CFAP299: variants seen among roughly 807,000 people sequenced by gnomAD.
CFAP299 encodes the protein cilia- and flagella-associated protein 299.
Under a neutral mutation model 27.0 loss-of-function variants are expected in CFAP299, and 21 were observed. The ratio of observed to expected loss-of-function variants is 0.78; its 90% CI spans 0.55 to 1.12. CFAP299 has a LOEUF of 1.12. Among genes scored for constraint, CFAP299 ranks in the 50% most tolerant of loss-of-function variants. The probability of loss-of-function intolerance (pLI) is 0.00; values close to 1 mark genes in which losing one functional copy is unlikely to be tolerated. For synonymous variants in CFAP299, 104 were observed against 98.1 expected (o/e 1.06, Z -0.36); for missense variants, 310 against 276.6 (o/e 1.12, Z -0.86).
Position 80,521,498 on chromosome 4 carries a change from C to A in CFAP299, c.243-61595C>A, listed in dbSNP as rs139398225. On this transcript the variant is annotated intron_variant, in intron 2 of 5. Transcript: ENST00000358105. ...ACATACATGAAATCTATCTGCTTAA[C>A]AAATTTTAATGTGTACAGCACAATA... Among the ~76,000 whole-genome samples, 370 of 152,164 alleles carry A rather than the reference C, an allele frequency of 2.4e-3. 1 individual carries two copies. Among genetic ancestry groups the A allele is most frequent in the African/African-American group, 8.4e-3 (350 of 41,522 alleles).
chr4:80,660,825 G>A (rs1740804254), intron 3 of CFAP299, among the ~76,000 whole-genome samples: 1 of 152,154 alleles, frequency 6.6e-6, no homozygotes, highest in African/African-American at 2.4e-5. Flanking sequence ...CCACAGTTTT[G>A]TGAAATTTCC....
At chr4:80,594,584 T>C (rs1052580999) in intron 3 of CFAP299, among the ~76,000 whole-genome samples, 2 of 152,256 alleles carry the variant, frequency 1.3e-5, no homozygotes, top group African/African-American at 4.8e-5. Context: ...TATGTCATTT[T>C]CATTTTAAAA....
chr4:80,733,195 A>G (rs1723639240), intron 3 of CFAP299, among the ~76,000 whole-genome samples: 1 of 152,146 alleles, frequency 6.6e-6, no homozygotes, highest in South Asian at 2.1e-4. Flanking sequence ...TAAACTTTTA[A>G]TGAACTACTA....
intron 2 of CFAP299, chr4:80,386,176 C>G: frequency 1.4e-6 from 1 of 717,588 alleles, no homozygotes; most frequent in Non-Finnish European, 2.2e-6. Context: ...ACCCCGGGTC[C>G]GTCACTCTGA....
At chr4:80,701,338 C>A (rs568521336) in intron 3 of CFAP299, among the ~76,000 whole-genome samples, 2 of 152,004 alleles carry the variant, frequency 1.3e-5, no homozygotes, top group Non-Finnish European at 2.9e-5. Context: ...TTAAAAATAT[C>A]TGAATTCAAA....
At chr4:80,886,711 G>A (rs10016055) in intron 4 of CFAP299, among the ~76,000 whole-genome samples, 47,578 of 151,924 alleles carry the variant, frequency 0.31, 11,059 homozygotes, top group African/African-American at 0.65. Context: ...CCAGGAACAC[G>A]TAACTTCACC....
intron 3 of CFAP299, among the ~76,000 whole-genome samples, chr4:80,661,301 G>A (rs1740832428): frequency 6.7e-6 from 1 of 150,082 alleles, no homozygotes; most frequent in Non-Finnish European, 1.5e-5. Context: ...ACTCTAGCCT[G>A]GGTGACAGAG....
intron 3 of CFAP299, among the ~76,000 whole-genome samples, chr4:80,832,971 T>C (rs1730375855): frequency 6.6e-6 from 1 of 152,162 alleles, no homozygotes; most frequent in African/African-American, 2.4e-5. Flanking sequence ...TGACTTGTTT[T>C]GCTTTTCTAA....
chr4:80,898,079 G>A (rs925689978), intron 4 of CFAP299, among the ~76,000 whole-genome samples: 5 of 152,158 alleles, frequency 3.3e-5, no homozygotes, highest in Admixed American at 6.5e-5. Flanking sequence ...AAGTGTTACA[G>A]TAAGGGCTCT....
intron 4 of CFAP299, among the ~76,000 whole-genome samples, chr4:80,939,919 A>G (rs1345030456): frequency 1.3e-5 from 2 of 152,022 alleles, no homozygotes; most frequent in Non-Finnish European, 2.9e-5. Context: ...TGATCCTGTT[A>G]AGTCAAGCCA....
intron 3 of CFAP299, among the ~76,000 whole-genome samples, chr4:80,777,048 A>G (rs1245995300): frequency 6.6e-6 from 1 of 151,952 alleles, no homozygotes; most frequent in Non-Finnish European, 1.5e-5. Flanking sequence ...CTCTTTTTAT[A>G]CACACTCAAA....
At chr4:80,716,277 C>T (rs150113050) in intron 3 of CFAP299, among the ~76,000 whole-genome samples, 13 of 151,712 alleles carry the variant, frequency 8.6e-5, no homozygotes, top group East Asian at 5.8e-4. Flanking sequence ...AAACAAGGCA[C>T]GTAGTATTTT....
At chr4:80,651,801 CTT>C (rs1263709435) in intron 3 of CFAP299, among the ~76,000 whole-genome samples, 10 of 150,380 alleles carry the variant, frequency 6.6e-5, no homozygotes, top group Admixed American at 6.0e-4. Context: ...CACAGGTAAA[CTT>C]TGAATTGTCA....
At chr4:80,828,255 TAAG>T (rs1227568107) in intron 3 of CFAP299, among the ~76,000 whole-genome samples, 1 of 151,460 alleles carries the variant, frequency 6.6e-6, no homozygotes, top group Non-Finnish European at 1.5e-5. Context: ...TTTGAAAAAA[TAAG>T]AACAAATTTG....
At chr4:80,545,057 G>A (rs545676467) in intron 2 of CFAP299, among the ~76,000 whole-genome samples, 2 of 152,182 alleles carry the variant, frequency 1.3e-5, no homozygotes, top group South Asian at 2.1e-4. Flanking sequence ...ATACCAAGAA[G>A]ATCTACCAAA....
At position 80,338,859 on chromosome 4, in the gene CFAP299, A is replaced by G. The variant is rs533987727; in HGVS notation, c.111+2980A>G. ...TATTGTGTAGTATATTCTGCTCCCA[A>G]AAGTTTTCAGTTAATCTGCATAAAA... On this transcript the variant is annotated intron_variant, in intron 1 of 5. Coordinates refer to ENST00000358105, the MANE Select transcript of CFAP299 (RefSeq NM_152770.3). Among the ~76,000 whole-genome samples the G allele has an allele frequency of 3.9e-5, 6 of 152,294 alleles. 1 individual carries two copies. Among genetic ancestry groups the G allele is most frequent in the Non-Finnish European group, 8.8e-5 (6 of 68,010 alleles).
chr4:80,610,735 C>A (rs1490989039), intron 3 of CFAP299, among the ~76,000 whole-genome samples: 1 of 151,886 alleles, frequency 6.6e-6, no homozygotes, highest in Admixed American at 6.6e-5. Context: ...AGATGCAAAC[C>A]CATCGATTCT....
At chr4:80,327,750 T>TATAACTTCAATACATATATATATATA in the CFAP299 span, among the ~76,000 whole-genome samples, 11 of 144,612 alleles carry the variant, frequency 7.6e-5, no homozygotes, top group South Asian at 2.3e-4. Flanking sequence ...TATATATATG[T>TATAACTTCAATACATATATATATATA]TGAGAAAGCT....
intron 2 of CFAP299, among the ~76,000 whole-genome samples, chr4:80,401,712 G>T (rs1726170686): frequency 6.6e-6 from 1 of 152,186 alleles, no homozygotes; most frequent in African/African-American, 2.4e-5. Flanking sequence ...GTCCCTACTG[G>T]GTCACTGCCT....
Sources: gnomAD v4.1 joint callset for allele counts (sites outside exome capture counted in the v4.1 genomes callset) on GRCh38, gnomAD v4.1.1 for gene constraint, MANE v1.5 for transcripts, NCBI Gene and HGNC (gene_info 2026-07-23, HGNC 2026-07-21) for gene names.